Variants in EFCAB13 observed in about 807,000 individuals in gnomAD.
The protein encoded by EFCAB13 is EF-hand calcium binding domain 13.
Under a neutral mutation model 110.2 loss-of-function variants are expected in EFCAB13, and 91 were observed. That is an observed-to-expected ratio of 0.83 (90% CI 0.70 to 0.98). EFCAB13 has a LOEUF of 0.98. EFCAB13 is among the 50% of genes least tolerant of loss of function. The probability of loss-of-function intolerance (pLI) is 0.00; values close to 1 mark genes in which losing one functional copy is unlikely to be tolerated. For missense variants in EFCAB13, 968 were observed against 1,119.4 expected, an observed-to-expected ratio of 0.86 and a Z score of 1.93; for synonymous variants, 323 against 369.9, an observed-to-expected ratio of 0.87 and a Z score of 1.45.
At chr17:47,424,917 C>G (rs1301077789) in intron 23 of EFCAB13, among the ~76,000 whole-genome samples, 8 of 48,182 alleles carry the variant, frequency 1.7e-4, no homozygotes, top group Middle Eastern at 0.019. Context: ...GAGTCTCGCT[C>G]TGTCGCCCAG....
intron 17 of EFCAB13, among the ~76,000 whole-genome samples, chr17:47,400,783 C>G (rs1036248509): frequency 6.6e-6 from 1 of 152,096 alleles, no homozygotes; most frequent in African/African-American, 2.4e-5. Flanking sequence ...AGAGGGGACT[C>G]CATTTAGGTG....
chr17:47,404,820 T>A (rs1377789670), intron 20 of EFCAB13, among the ~76,000 whole-genome samples, 187 bp downstream of exon 20: 1 of 152,144 alleles, frequency 6.6e-6, no homozygotes, highest in Admixed American at 6.5e-5. Context: ...AATTTAAGAA[T>A]TGTACATTTG....
rs939007272 is a variant in EFCAB13, at chr17:47,398,672, T to C, written c.1945+2695T>C. Among the ~76,000 whole-genome samples the C allele has an allele frequency of 5.3e-5, 8 of 151,156 alleles. No individual in the cohort carries two copies. In the East Asian group the frequency reaches 5.9e-4, roughly 11 times the overall value. On this transcript the variant is annotated intron_variant, in intron 17 of 24. Transcript: ENST00000331493. The stretch of plus-strand genomic sequence containing the variant: ...AAGGCAGCATGCTCCTTAAGAGTCA[T>C]CACCACTCCCTAATCTCAAGTACCC...
At chr17:47,401,684 G>A (rs1035008757) in intron 17 of EFCAB13, among the ~76,000 whole-genome samples, 6 of 123,188 alleles carry the variant, frequency 4.9e-5, no homozygotes, top group South Asian at 2.5e-4. Context: ...TCGCTTTGTC[G>A]CCCAGGCTGG....
chr17:47,335,821 A>G (rs1345614469), intron 5 of EFCAB13, among the ~76,000 whole-genome samples: 1 of 152,222 alleles, frequency 6.6e-6, no homozygotes, highest in East Asian at 1.9e-4. Context: ...GAACTCACTC[A>G]GTATCATGAG....
intron 24 of EFCAB13, among the ~76,000 whole-genome samples, chr17:47,434,759 C>T (rs112757678): frequency 0.024 from 3,684 of 152,012 alleles, 116 homozygotes; most frequent in East Asian, 0.18. Flanking sequence ...AACTGATCTT[C>T]GACAAAACAA....
At chr17:47,361,666 GGT>G (rs1203207894) in intron 10 of EFCAB13, 145 bp downstream of exon 10, 11 of 557,328 alleles carry the variant, frequency 2.0e-5, no homozygotes, top group Non-Finnish European at 2.6e-5. Context: ...ACTGTTTACT[GGT>G]GTCTATAGTA....
intron 23 of EFCAB13, among the ~76,000 whole-genome samples, chr17:47,424,715 G>A (rs547117381): frequency 1.1e-3 from 161 of 151,748 alleles, no homozygotes; most frequent in Non-Finnish European, 1.7e-3. Flanking sequence ...TCTTCATGAG[G>A]CCATCTTGCT....
intron 10 of EFCAB13, among the ~76,000 whole-genome samples, chr17:47,362,133 A>G (rs762525478): frequency 3.3e-5 from 5 of 152,194 alleles, no homozygotes; most frequent in Non-Finnish European, 7.3e-5. Context: ...AGTATAATAA[A>G]ATATGTAAAA....
chr17:47,418,340 T>C (rs557161784), intron 23 of EFCAB13, among the ~76,000 whole-genome samples: 64 of 152,292 alleles, frequency 4.2e-4, no homozygotes, highest in African/African-American at 1.5e-3. Context: ...TAGGGCACTT[T>C]TGTCTGCATT....
Position 47,362,389 on chromosome 17 carries a change from C to T in EFCAB13, c.805+868C>T, listed in dbSNP as rs141937482. Among the ~76,000 whole-genome samples, 1,125 of 152,218 alleles carry T rather than the reference C, an allele frequency of 7.4e-3. 12 individuals carry two copies. Among genetic ancestry groups the T allele is most frequent in the Non-Finnish European group, 0.01 (683 of 68,004 alleles). ...GCCACCAGAGGGCTCCTTGGTCTACCGGTAATGCCAGCGTCTGGGAAGATG... is the reference window on the plus strand; with the variant it reads ...GCCACCAGAGGGCTCCTTGGTCTACTGGTAATGCCAGCGTCTGGGAAGATG... On this transcript the variant is annotated intron_variant, in intron 10 of 24. Coordinates refer to ENST00000331493, the MANE Select transcript of EFCAB13 (RefSeq NM_152347.5).
intron 10 of EFCAB13, among the ~76,000 whole-genome samples, chr17:47,367,556 C>T (rs140100934): frequency 3.5e-4 from 53 of 152,292 alleles, no homozygotes; most frequent in African/African-American, 1.3e-3. Context: ...TAGATACATG[C>T]ATTGCACCCC....
intron 20 of EFCAB13, among the ~76,000 whole-genome samples, chr17:47,407,450 C>G (rs2065810899): frequency 1.0e-5 from 1 of 97,532 alleles, no homozygotes; most frequent in African/African-American, 4.0e-5. Context: ...CTCAAAGAGG[C>G]CATCAATTTT....
chr17:47,430,574 T>G (rs1905095576), intron 24 of EFCAB13: 1 of 152,192 alleles, frequency 6.6e-6, no homozygotes, highest in African/African-American at 2.4e-5. Context: ...ATTTATTTAA[T>G]GTCTTTAAAT....
intron 17 of EFCAB13, among the ~76,000 whole-genome samples, chr17:47,397,780 C>T (rs1429908102): frequency 8.6e-5 from 13 of 151,454 alleles, no homozygotes; most frequent in African/African-American, 2.9e-4. Flanking sequence ...GCCTGGCAAC[C>T]GCCCGTCTGA....
chr17:47,435,723 C>CAT (rs36124511), intron 24 of EFCAB13, among the ~76,000 whole-genome samples: 95,676 of 151,480 alleles, frequency 0.63, 30,615 homozygotes, highest in African/African-American at 0.71. Flanking sequence ...GGTAAACAAT[C>CAT]ATCATCTGCA....
At chr17:47,356,915 G>A (rs1324698738) in intron 9 of EFCAB13, among the ~76,000 whole-genome samples, 10 of 152,162 alleles carry the variant, frequency 6.6e-5, no homozygotes, top group East Asian at 1.9e-4. Context: ...AGCTGCTGTC[G>A]GGGTGAAGGT....
At chr17:47,344,348 C>T in intron 7 of EFCAB13, 56 bp downstream of exon 7, 1 of 1,565,340 alleles carries the variant, frequency 6.4e-7, no homozygotes, top group Admixed American at 1.8e-5. Context: ...TTGGGTGTTT[C>T]TCTCCAGAAT....
intron 23 of EFCAB13, among the ~76,000 whole-genome samples, chr17:47,415,240 G>A (rs1904400551): frequency 6.6e-6 from 1 of 152,110 alleles, no homozygotes; most frequent in African/African-American, 2.4e-5. Context: ...ACTGTTATGG[G>A]GTGGGGGGAC....
Sources: allele counts gnomAD v4.1 joint callset (sites outside exome capture counted in the v4.1 genomes callset), GRCh38; gene constraint gnomAD v4.1.1; transcripts MANE v1.5; gene names NCBI Gene and HGNC (gene_info 2026-07-23, HGNC 2026-07-21).